GLIS3: variants seen among roughly 807,000 people sequenced by gnomAD.
GLIS3 encodes zinc finger protein GLIS3.
A neutral mutation model predicts 78.6 loss-of-function variants in GLIS3; 53 were observed. The observed-to-expected ratio is 0.67, with a 90% CI of 0.54 to 0.85. GLIS3 has a LOEUF of 0.85. Among genes scored for constraint, GLIS3 ranks in the 40% least tolerant of loss-of-function variants. GLIS3 has a pLI of 0.00. For synonymous variants in GLIS3, 684 were observed against 509.9 expected (o/e 1.34, Z -4.60); for missense variants, 1,703 against 1,231.1 (o/e 1.38, Z -5.74).
At chr9:4,008,692 T>C (rs909249677) in intron 4 of GLIS3, among the ~76,000 whole-genome samples, 1 of 152,150 alleles carries the variant, frequency 6.6e-6, no homozygotes, top group Non-Finnish European at 1.5e-5. Context: ...TTATGTGAAT[T>C]CTGTGACATA....
the GLIS3 span, among the ~76,000 whole-genome samples, chr9:4,455,567 C>G: frequency 1.2e-3 from 183 of 152,244 alleles, no homozygotes; most frequent in African/African-American, 4.1e-3. Context: ...GAACTTGCCT[C>G]TAACATTCTT....
intron 6 of GLIS3, among the ~76,000 whole-genome samples, chr9:3,929,222 T>C (rs1825454965): frequency 6.6e-6 from 1 of 152,246 alleles, no homozygotes; most frequent in Non-Finnish European, 1.5e-5. Context: ...GCACATTCCA[T>C]GAAAGAAGTC....
chr9:4,390,478 G>T, the GLIS3 span, among the ~76,000 whole-genome samples: 1 of 151,596 alleles, frequency 6.6e-6, no homozygotes, highest in Non-Finnish European at 1.5e-5. Flanking sequence ...TGATACTCTT[G>T]CCTCTGCCTC....
chr9:3,829,850 T>A (rs1027872344), intron 9 of GLIS3, among the ~76,000 whole-genome samples: 2 of 152,208 alleles, frequency 1.3e-5, no homozygotes, highest in South Asian at 2.1e-4. Flanking sequence ...TAAATGCATC[T>A]TCTTTAACTT....
intron 8 of GLIS3, among the ~76,000 whole-genome samples, chr9:3,873,365 C>T (rs1173411384): frequency 6.6e-6 from 1 of 152,012 alleles, no homozygotes; most frequent in East Asian, 1.9e-4. Context: ...GCAAACCAAA[C>T]CCAACAGGAC....
At chr9:4,317,582 T>A (rs1403654680) in intron 2 of GLIS3, among the ~76,000 whole-genome samples, 1 of 152,256 alleles carries the variant, frequency 6.6e-6, no homozygotes, top group Admixed American at 6.5e-5. Flanking sequence ...AGATTACGTA[T>A]TGCTTACGAT....
intron 9 of GLIS3, among the ~76,000 whole-genome samples, chr9:3,836,990 C>G (rs1818392689): frequency 6.6e-6 from 1 of 152,186 alleles, no homozygotes; most frequent in Non-Finnish European, 1.5e-5. Context: ...TCTAGAAGTT[C>G]TGGTCACCTG....
intron 9 of GLIS3, 45 bp downstream of exon 9, chr9:3,855,964 A>AT (rs1331973713): frequency 6.7e-7 from 1 of 1,496,016 alleles, no homozygotes; most frequent in Non-Finnish European, 9.0e-7. Flanking sequence ...GCAACAGCAC[A>AT]ATGTCACTTT....
chr9:4,023,557 T>A (rs1216254900), intron 4 of GLIS3, among the ~76,000 whole-genome samples: 1 of 152,214 alleles, frequency 6.6e-6, no homozygotes, highest in Non-Finnish European at 1.5e-5. Context: ...ATCCTTTTCG[T>A]GTTAAGAGAC....
the GLIS3 span, among the ~76,000 whole-genome samples, chr9:4,380,160 G>A: frequency 3.1e-3 from 478 of 152,296 alleles, 1 homozygote; most frequent in Non-Finnish European, 5.5e-3. Flanking sequence ...CTAGGAGAAG[G>A]AATTATAATT....
At position 3,854,128 on chromosome 9, in the gene GLIS3, C is replaced by T. The variant is rs867211963; in HGVS notation, c.2473+1881G>A. Among the ~76,000 whole-genome samples, 8 of 152,318 alleles carry T rather than the reference C, an allele frequency of 5.3e-5. No individual in the cohort carries two copies. In the South Asian group the frequency reaches 6.2e-4, roughly 12 times the overall value. The stretch of plus-strand genomic sequence containing the variant: ...CTGCCTGGAGTGGTGAGGATGGCTT[C>T]ATGGCACAGGGGACCTGGTTCTCTT... On this transcript the variant is annotated intron_variant, in intron 9 of 10. Coordinates refer to ENST00000381971, the MANE Select transcript of GLIS3 (RefSeq NM_001042413.2).
the GLIS3 span, among the ~76,000 whole-genome samples, chr9:4,354,792 T>G: frequency 6.6e-6 from 1 of 152,102 alleles, no homozygotes; most frequent in African/African-American, 2.4e-5. Flanking sequence ...AAAGAGTCAT[T>G]CCTTTGGAAT....
intron 4 of GLIS3, among the ~76,000 whole-genome samples, chr9:4,075,508 G>A (rs917516155): frequency 7.9e-5 from 12 of 151,842 alleles, no homozygotes; most frequent in Admixed American, 3.3e-4. Context: ...CCCAGGAGGC[G>A]GAGCTGGCTG....
the GLIS3 span, among the ~76,000 whole-genome samples, chr9:4,454,019 T>A: frequency 5.3e-5 from 8 of 151,876 alleles, no homozygotes; most frequent in South Asian, 6.2e-4. Context: ...AAATAAATTT[T>A]AAAAAAAGAA....
intron 4 of GLIS3, among the ~76,000 whole-genome samples, chr9:4,100,333 A>T (rs956482811): frequency 1.3e-5 from 2 of 152,206 alleles, no homozygotes; most frequent in Admixed American, 1.3e-4. Context: ...AGTCCCAAGG[A>T]AAGAAGATAA....
chr9:4,367,609 G>A, the GLIS3 span, among the ~76,000 whole-genome samples: 4 of 144,658 alleles, frequency 2.8e-5, no homozygotes, highest in Non-Finnish European at 3.0e-5. Context: ...ACTCCAGCCC[G>A]GGCAACAGAG....
chr9:4,397,063 T>C, the GLIS3 span, among the ~76,000 whole-genome samples: 60 of 144,004 alleles, frequency 4.2e-4, no homozygotes, highest in East Asian at 8.9e-3. Context: ...TCTCGCTCTG[T>C]CTCCCAGGCT....
intron 2 of GLIS3, among the ~76,000 whole-genome samples, chr9:4,234,326 G>C (rs970108098): frequency 6.6e-6 from 1 of 152,098 alleles, no homozygotes; most frequent in African/African-American, 2.4e-5. Context: ...CCTTTCACTT[G>C]AATACTTAAA....
chr9:4,169,143 T>C (rs1816145940), intron 2 of GLIS3, among the ~76,000 whole-genome samples: 1 of 152,198 alleles, frequency 6.6e-6, no homozygotes, highest in African/African-American at 2.4e-5. Flanking sequence ...TTTCTGCAGC[T>C]GTCCAACTAT....
Sources: allele counts gnomAD v4.1 joint callset (sites outside exome capture counted in the v4.1 genomes callset), GRCh38; gene constraint gnomAD v4.1.1; transcripts MANE v1.5; gene names NCBI Gene and HGNC (gene_info 2026-07-23, HGNC 2026-07-21).